Variants in NPHP3 observed in about 807,000 individuals in gnomAD.
NPHP3 encodes nephrocystin 3.
NPHP3 carries 123 observed loss-of-function variants against 171.9 expected under a neutral mutation model. The observed-to-expected ratio is 0.72, with a 90% CI of 0.62 to 0.83. The LOEUF (loss-of-function observed/expected upper bound fraction) is 0.83. NPHP3 is among the 40% of genes least tolerant of loss of function. The probability of loss-of-function intolerance (pLI) is 0.00; values close to 1 mark genes in which losing one functional copy is unlikely to be tolerated. For missense variants in NPHP3, 1,506 were observed against 1,591.9 expected, an observed-to-expected ratio of 0.95 and a Z score of 0.92; for synonymous variants, 558 against 579.2, an observed-to-expected ratio of 0.96 and a Z score of 0.52.
In NPHP3 at chr3:132,690,611, C is replaced by A. The variant is rs16839515; in HGVS notation, c.2610G>T (p.Pro870=). The A allele has an allele frequency of 1.2e-6, 2 of 1,613,618 alleles. No homozygotes were observed. Among genetic ancestry groups the A allele is most frequent in the Non-Finnish European group, 8.5e-7 (1 of 1,179,694 alleles). Residue 870 remains proline (P), a synonymous_variant, in exon 19 of 27, where the codon CCG becomes CCT. Coordinates refer to ENST00000337331, the MANE Select transcript of NPHP3 (RefSeq NM_153240.5). ...RVTWRSADEL[P]WLFQQQGSKQ... is the part of the protein sequence containing the mutation. ...TACTTCCCTGCTGCTGAAAAAGCCACGGGAGTTCATCTGCACTTCTCCAAG... is the reference window on the plus strand; with the variant it reads ...TACTTCCCTGCTGCTGAAAAAGCCAAGGGAGTTCATCTGCACTTCTCCAAG...
rs756382033 is a variant in NPHP3 at position 132,713,206 on chromosome 3, T to C, written c.1038A>G (p.Glu346=). 3 of 1,585,866 alleles carry C rather than the reference T, an allele frequency of 1.9e-6. No individual in the cohort carries two copies. The highest frequency in any genetic ancestry group is 8.6e-7 in the Non-Finnish European group (1 of 1,158,250). ...FHAVYFPIDV[E]NQYLTVRKWE... ...ATTTTCTTACAGTGAGGTATTGATT[T>C]TCAACATCTATTGGAAAATAAACAG... The change falls in exon 6 of 27, where the codon GAA becomes GAG. Residue 346 remains glutamate (E), a synonymous_variant. Coordinates refer to ENST00000337331, the MANE Select transcript of NPHP3 (RefSeq NM_153240.5).
At chr3:132,715,343 T>C (rs115124403) in intron 4 of NPHP3, 125 bp from the exon 5 acceptor site, 8 of 763,424 alleles carry the variant, frequency 1.0e-5, no homozygotes, top group South Asian at 4.4e-5. Flanking sequence ...AATACTGCCA[T>C]ACCTTCTAGA....
In NPHP3 at chr3:132,701,525, T is replaced by G. The variant is rs368126549; in HGVS notation, c.1533A>C (p.Gln511His). ...AHELGFEKYY[Q>H]RLNDLVAAPA... The stretch of plus-strand genomic sequence containing the variant: ...GTGCTGCCACTAGATCATTAAGGCG[T>G]TGGTAATACTAGAAAAAAAAATGAA... Residue 511 changes from glutamine to histidine, a missense_variant, in exon 10 of 27, where the codon CAA becomes CAC. This residue lies in a region of NPHP3 where 930 missense variants were observed against 924.9 expected (regional missense o/e 1.01). Coordinates refer to ENST00000337331, the MANE Select transcript of NPHP3 (RefSeq NM_153240.5). The G allele has an allele frequency of 6.2e-7, 1 of 1,610,006 alleles. No individual in the cohort carries two copies. Among genetic ancestry groups the G allele is most frequent in the East Asian group, 2.2e-5 (1 of 44,836 alleles).
intron 1 of NPHP3, among the ~76,000 whole-genome samples, chr3:132,721,274 TA>T (rs2108006087): frequency 6.6e-6 from 1 of 152,340 alleles, no homozygotes; most frequent in South Asian, 2.1e-4. Context: ...GGGCATGCAA[TA>T]ATTGCTTTTA....
Position 132,684,703 on chromosome 3 carries a change from G to A in NPHP3, c.3421C>T (p.Leu1141=). ...HPDCAQSLNN[L]AALCNEKKQY... ...TTCTTTTCATTGCATAGAGCTGCCAGATTATTCAAAGACTGAGCACAGTCA... is the reference window on the plus strand; with the variant it reads ...TTCTTTTCATTGCATAGAGCTGCCAAATTATTCAAAGACTGAGCACAGTCA... Residue 1141 remains leucine (L), a synonymous_variant, in exon 24 of 27, where the codon CTG becomes TTG. Coordinates refer to ENST00000337331, the MANE Select transcript of NPHP3 (RefSeq NM_153240.5). 6.2e-7 allele frequency: 1 copy of A among 1,614,058 alleles called. No homozygotes were observed. The highest frequency in any genetic ancestry group is 8.5e-7 in the Non-Finnish European group (1 of 1,179,974).
At chr3:132,706,496 T>C (rs1939759016) in intron 7 of NPHP3, among the ~76,000 whole-genome samples, 2 of 152,036 alleles carry the variant, frequency 1.3e-5, no homozygotes, top group Admixed American at 1.3e-4. Context: ...CAATTTTATG[T>C]CAATAAAGCT....
In NPHP3 at chr3:132,718,993, C is replaced by G; in HGVS notation, c.670+1G>C. On this transcript the variant is annotated splice_donor_variant, in intron 3 of 26. Transcript: ENST00000337331. LOFTEE classifies it high-confidence loss of function. ...AAAATATAAATAGGATATACACTTACCAGTGACATCTGTACAGTTGTCATC... is the reference window on the plus strand; with the variant it reads ...AAAATATAAATAGGATATACACTTAGCAGTGACATCTGTACAGTTGTCATC... The G allele has an allele frequency of 6.2e-7, 1 of 1,614,062 alleles. No individual in the cohort carries two copies. The highest frequency in any genetic ancestry group is 8.5e-7 in the Non-Finnish European group (1 of 1,179,944).
intron 7 of NPHP3, 82 bp from the exon 8 acceptor site, chr3:132,705,896 G>A (rs1939734690): frequency 1.3e-6 from 1 of 754,424 alleles, no homozygotes; most frequent in Admixed American, 2.0e-5. Context: ...TACTGCTTAT[G>A]TGACAGGAAC....
rs1379148790 is a variant in NPHP3, at chr3:132,708,198, AATCGAGGTTTTC to A, written c.1166_1177del (p.Gly389_Leu393delinsVal). ...TCCATCTTCCAAACGATGAAAGATT[AATCGAGGTTTTC>A]CTTCAGGGTTTTTCAGAAAAGCTTC... On this transcript the variant is annotated inframe_deletion, in exon 7 of 27. Coordinates refer to ENST00000337331, the MANE Select transcript of NPHP3 (RefSeq NM_153240.5). 2 of 1,613,888 alleles carry A rather than the reference AATCGAGGTTTTC, an allele frequency of 1.2e-6. No homozygotes were observed. The highest frequency in any genetic ancestry group is 1.3e-5 in the African/African-American group (1 of 74,940).
chr3:132,691,852 C>T (rs1026023510), intron 17 of NPHP3, among the ~76,000 whole-genome samples: 9 of 152,162 alleles, frequency 5.9e-5, no homozygotes, highest in East Asian at 1.9e-4. Context: ...TGCCAAAGTC[C>T]GCCTGGGGCT....
chr3:132,688,961 T>C, intron 20 of NPHP3, 70 bp from the exon 21 acceptor site: 1 of 1,612,566 alleles, frequency 6.2e-7, no homozygotes, highest in Non-Finnish European at 8.5e-7. Flanking sequence ...TCTGATTAAA[T>C]ATTAAGGATT....
chr3:132,708,978 T>C (rs1333109367), intron 6 of NPHP3, among the ~76,000 whole-genome samples: 1 of 152,186 alleles, frequency 6.6e-6, no homozygotes, highest in Non-Finnish European at 1.5e-5. Context: ...GAGAGGTGCT[T>C]CTCTGTTTGG....
At chr3:132,700,836 A>G (rs1472270833) in intron 10 of NPHP3, among the ~76,000 whole-genome samples, 3 of 152,218 alleles carry the variant, frequency 2.0e-5, no homozygotes, top group Non-Finnish European at 2.9e-5. Flanking sequence ...AGACAACTAC[A>G]TATGCTAACC....
At chr3:132,711,879 C>G (rs1160918699) in intron 6 of NPHP3, among the ~76,000 whole-genome samples, 2 of 152,204 alleles carry the variant, frequency 1.3e-5, no homozygotes, top group African/African-American at 4.8e-5. Context: ...CCAGGTAGTT[C>G]CCTGTTCACC....
Position 132,706,774 on chromosome 3 carries a change from A to T in NPHP3, c.1276-960T>A, listed in dbSNP as rs574254683. Among the ~76,000 whole-genome samples, 7 of 152,316 alleles carry T rather than the reference A, an allele frequency of 4.6e-5. No individual in the cohort carries two copies. The East Asian group carries it at 1.3e-3, about 29-fold the overall frequency. ...TCCTTCCAGCATACTAAATTTTTTA[A>T]AGTAAAGGTTATAGAATAAATAGAA... On this transcript the variant is annotated intron_variant, in intron 7 of 26. Transcript: ENST00000337331.
intron 5 of NPHP3, among the ~76,000 whole-genome samples, chr3:132,714,791 C>T (rs1356698554): frequency 6.6e-6 from 1 of 152,136 alleles, no homozygotes; most frequent in African/African-American, 2.4e-5. Context: ...CTTAGTTTGA[C>T]ATTTAAAACT....
At chr3:132,697,236 T>C in intron 14 of NPHP3, 24 bp downstream of exon 14, 1 of 1,405,888 alleles carries the variant, frequency 7.1e-7, no homozygotes, top group Non-Finnish European at 1.0e-6. Context: ...AGTAAAAGAT[T>C]GCATCAAAAT....
chr3:132,684,005 CTA>C (rs1293098585), intron 24 of NPHP3, among the ~76,000 whole-genome samples: 3 of 152,184 alleles, frequency 2.0e-5, no homozygotes, highest in Admixed American at 6.5e-5. Flanking sequence ...AGCTCTGTAA[CTA>C]TGCTAAATGA....
At chr3:132,691,074 T>A (rs1939286916) in intron 18 of NPHP3, 118 bp downstream of exon 18, 1 of 832,440 alleles carries the variant, frequency 1.2e-6, no homozygotes, top group Non-Finnish European at 2.1e-6. Context: ...GAGGATTTAA[T>A]CTTTTTTGTA....
Sources: allele counts gnomAD v4.1 joint callset (sites outside exome capture counted in the v4.1 genomes callset), GRCh38; gene constraint gnomAD v4.1.1; regional missense constraint gnomAD v4.1.1; transcripts MANE v1.5; gene names NCBI Gene and HGNC (gene_info 2026-07-23, HGNC 2026-07-21).